IKZF3: variants seen among roughly 807,000 people sequenced by gnomAD.
IKZF3 encodes the protein IKAROS family zinc finger 3.
In IKZF3, 10 loss-of-function variants were observed where a neutral mutation model predicts 49.0. The ratio of observed to expected loss-of-function variants is 0.20; its 90% confidence interval spans 0.13 to 0.35. The LOEUF is 0.35. Ranked by LOEUF, IKZF3 falls within the 10% of genes least tolerant of loss-of-function variation. IKZF3 has a pLI of 1.00. For synonymous variants in IKZF3, 209 were observed against 228.2 expected, an observed-to-expected ratio of 0.92 and a Z score of 0.76; for missense variants, 498 against 664.8, an observed-to-expected ratio of 0.75 and a Z score of 2.76.
At chr17:39,782,653 A>G (rs2060773793) in intron 6 of IKZF3, among the ~76,000 whole-genome samples, 2 of 152,116 alleles carry the variant, frequency 1.3e-5, no homozygotes, top group Non-Finnish European at 2.9e-5. Flanking sequence ...GTTTGGCAAG[A>G]TAGTAAGGGA....
rs1263810325 is a variant in IKZF3 at position 39,778,568 on chromosome 17, G to T, written c.710-801C>A. On this transcript the variant is annotated intron_variant, in intron 6 of 7. Coordinates refer to ENST00000346872, the MANE Select transcript of IKZF3 (RefSeq NM_012481.5). ...CTGTAATCCCAGCACTTTGGGAGGTGGAGGTGGGCAGATCACCTGAGGTCG... is the reference window on the plus strand; with the variant it reads ...CTGTAATCCCAGCACTTTGGGAGGTTGAGGTGGGCAGATCACCTGAGGTCG... Among the ~76,000 whole-genome samples, 5 of 152,068 alleles carry T rather than the reference G, an allele frequency of 3.3e-5. No individual in the cohort carries two copies. In the East Asian group the frequency reaches 9.6e-4, roughly 29 times the overall value.
chr17:39,860,647 G>A (rs1395862747), intron 1 of IKZF3, among the ~76,000 whole-genome samples: 1 of 152,108 alleles, frequency 6.6e-6, no homozygotes, highest in East Asian at 1.9e-4. Flanking sequence ...CTTATGACGG[G>A]GAGCTAAACA....
chr17:39,802,221 CAAAAAAAA>C (rs56029512), intron 3 of IKZF3, among the ~76,000 whole-genome samples: 20 of 54,418 alleles, frequency 3.7e-4, no homozygotes, highest in East Asian at 6.2e-4. Context: ...GACTCCATCT[CAAAAAAAA>C]AAAAAAAAAA....
At chr17:39,767,785 G>A (rs762611523) in intron 7 of IKZF3, among the ~76,000 whole-genome samples, 4 of 152,190 alleles carry the variant, frequency 2.6e-5, no homozygotes, top group Non-Finnish European at 2.9e-5. Flanking sequence ...AAAGTTGGCC[G>A]GGCGCGGTGG....
chr17:39,820,580 A>ATT (rs1386801278), intron 3 of IKZF3, among the ~76,000 whole-genome samples: 2 of 152,130 alleles, frequency 1.3e-5, no homozygotes, highest in Non-Finnish European at 2.9e-5. Flanking sequence ...AAGCCCTTGG[A>ATT]ATTTCCTAAG....
At chr17:39,829,245 A>G in intron 3 of IKZF3, 142 bp downstream of exon 3, 3 of 569,604 alleles carry the variant, frequency 5.3e-6, no homozygotes, top group Non-Finnish European at 9.3e-6. Flanking sequence ...TGAAATGCAA[A>G]TATTTGTGAA....
intron 1 of IKZF3, among the ~76,000 whole-genome samples, chr17:39,834,776 G>T (rs565075836): frequency 6.6e-6 from 1 of 152,214 alleles, no homozygotes; most frequent in Non-Finnish European, 1.5e-5. Flanking sequence ...TGATGTAATT[G>T]TTTTGTAGCT....
intron 7 of IKZF3, among the ~76,000 whole-genome samples, chr17:39,776,734 A>C (rs538157832): frequency 6.6e-6 from 1 of 152,244 alleles, no homozygotes; most frequent in East Asian, 1.9e-4. Context: ...CAGGCAGGCA[A>C]CTTATTATCT....
At chr17:39,776,086 ACAAAAAG>A (rs548333099) in intron 7 of IKZF3, among the ~76,000 whole-genome samples, 16 of 152,194 alleles carry the variant, frequency 1.1e-4, no homozygotes, top group African/African-American at 3.9e-4. Flanking sequence ...CTCTATCTCT[ACAAAAAG>A]TTTAAAAATT....
At chr17:39,804,784 C>T (rs1248387541) in intron 3 of IKZF3, among the ~76,000 whole-genome samples, 3 of 152,134 alleles carry the variant, frequency 2.0e-5, no homozygotes, top group East Asian at 3.8e-4. Flanking sequence ...CTTTGCTGGT[C>T]CTACTCCTAC....
Position 39,826,105 on chromosome 17 carries a change from C to T in IKZF3, c.163+3282G>A, listed in dbSNP as rs146566735. On this transcript the variant is annotated intron_variant, in intron 3 of 7. Transcript: ENST00000346872. ...TCATCCAGCCTAGAGAGCAGTGACA[C>T]GATCAGGGTTCACTACAGCCTCAAC... is the stretch of plus-strand genomic sequence containing the variant. 3.3e-3 allele frequency among the ~76,000 whole-genome samples: 501 copies of T among 152,280 alleles called. 4 individuals carry two copies. The highest frequency in any genetic ancestry group is 7.3e-3 in the Admixed American group (111 of 15,298).
chr17:39,860,878 T>C (rs1230615476), intron 1 of IKZF3, among the ~76,000 whole-genome samples: 1 of 152,220 alleles, frequency 6.6e-6, no homozygotes, highest in Non-Finnish European at 1.5e-5. Flanking sequence ...CTAATTTTGT[T>C]AAAATTGGCT....
chr17:39,840,778 G>A (rs1045852286), intron 1 of IKZF3, among the ~76,000 whole-genome samples: 1 of 152,204 alleles, frequency 6.6e-6, no homozygotes, highest in Non-Finnish European at 1.5e-5. Flanking sequence ...CAAGCTGGAT[G>A]AGAAAAATGT....
intron 3 of IKZF3, among the ~76,000 whole-genome samples, chr17:39,823,761 C>T (rs1052244100): frequency 6.6e-6 from 1 of 152,200 alleles, no homozygotes; most frequent in African/African-American, 2.4e-5. Context: ...GATGTTGAGC[C>T]TATGGGTGCA....
At chr17:39,806,703 C>T (rs375185327) in intron 3 of IKZF3, among the ~76,000 whole-genome samples, 23 of 152,266 alleles carry the variant, frequency 1.5e-4, no homozygotes, top group Admixed American at 9.2e-4. Flanking sequence ...CCTTCTAAAA[C>T]GGCTCCTAGC....
intron 1 of IKZF3, among the ~76,000 whole-genome samples, chr17:39,851,535 A>G (rs1051369028): frequency 2.0e-5 from 3 of 152,172 alleles, no homozygotes; most frequent in African/African-American, 4.8e-5. Flanking sequence ...TCAAAAATCT[A>G]TTGAGGAAAA....
intron 2 of IKZF3, among the ~76,000 whole-genome samples, chr17:39,830,382 T>G (rs954544511): frequency 6.6e-6 from 1 of 152,122 alleles, no homozygotes; most frequent in Non-Finnish European, 1.5e-5. Context: ...AGCTCATACT[T>G]TGAGATATAG....
Position 39,765,489 on chromosome 17 carries a change from C to T in IKZF3, c.*301G>A, listed in dbSNP as rs907091. 132,002 of 268,528 alleles carry T rather than the reference C, an allele frequency of 0.49. 33,726 individuals carry two copies. The highest frequency in any genetic ancestry group is 0.7 in the East Asian group (9,914 of 14,256). The allele number at this position is 268,528 out of a possible 1,614,324, so 16.6% of individuals were successfully genotyped here. ...AAGAATGTTTCATATAGCACATCTC[C>T]GGGACCACTCATTCCACTGCTGTAG... On this transcript the variant is annotated 3_prime_UTR_variant, in exon 8 of 8. Transcript: ENST00000346872.
chr17:39,768,089 G>C (rs183605151), intron 7 of IKZF3, among the ~76,000 whole-genome samples: 2 of 152,254 alleles, frequency 1.3e-5, no homozygotes, highest in African/African-American at 4.8e-5. Context: ...TTGCTCTATG[G>C]AGGTCTTTGC....
Sources: allele counts gnomAD v4.1 joint callset (sites outside exome capture counted in the v4.1 genomes callset), GRCh38; gene constraint gnomAD v4.1.1; transcripts MANE v1.5; gene names NCBI Gene and HGNC (gene_info 2026-07-23, HGNC 2026-07-21).